OPCML: variants seen among roughly 807,000 people sequenced by gnomAD.
OPCML encodes the protein opioid binding protein/cell adhesion molecule like.
In OPCML, 13 loss-of-function variants were observed where a neutral mutation model predicts 37.8. The ratio of observed to expected loss-of-function variants is 0.34; its 90% confidence interval spans 0.22 to 0.55. The LOEUF is 0.55. OPCML is among the 20% of genes least tolerant of loss of function. The probability of loss-of-function intolerance (pLI) is 0.91; values close to 1 mark genes in which losing one functional copy is unlikely to be tolerated. For missense variants in OPCML, 341 were observed against 435.6 expected (o/e 0.78, Z 1.93); for synonymous variants, 176 against 168.8 (o/e 1.04, Z -0.33).
intron 3 of OPCML, among the ~76,000 whole-genome samples, chr11:132,598,577 A>C (rs1023266237): frequency 6.6e-6 from 1 of 152,074 alleles, no homozygotes; most frequent in Non-Finnish European, 1.5e-5. Flanking sequence ...TTTCATCAAC[A>C]CTGTGTAATA....
chr11:132,839,495 G>C (rs1026949269), intron 2 of OPCML, among the ~76,000 whole-genome samples: 9 of 152,324 alleles, frequency 5.9e-5, no homozygotes, highest in African/African-American at 1.9e-4. Flanking sequence ...AGGTTTGCTA[G>C]AGCTTTATAA....
At chr11:132,833,276 T>C (rs1339260091) in intron 2 of OPCML, among the ~76,000 whole-genome samples, 1 of 152,216 alleles carries the variant, frequency 6.6e-6, no homozygotes, top group Non-Finnish European at 1.5e-5. Flanking sequence ...TGTTTTCACT[T>C]TTTAGTCTGT....
At chr11:133,008,324 A>G (rs1947151864) in intron 1 of OPCML, 1 of 985,272 alleles carries the variant, frequency 1.0e-6, no homozygotes, top group African/African-American at 1.7e-5. Flanking sequence ...AACAACTAAA[A>G]TGAAAATGGG....
chr11:133,030,415 T>C (rs1309601572), intron 1 of OPCML, among the ~76,000 whole-genome samples: 2 of 152,212 alleles, frequency 1.3e-5, no homozygotes, highest in Non-Finnish European at 2.9e-5. Flanking sequence ...GCTCATGCTC[T>C]GTCCCTGCCA....
intron 1 of OPCML, among the ~76,000 whole-genome samples, chr11:133,209,659 C>T (rs1171572576): frequency 2.6e-5 from 4 of 151,774 alleles, no homozygotes; most frequent in Non-Finnish European, 4.4e-5. Context: ...CGGCTCCTAA[C>T]ACAGTGCACA....
intron 4 of OPCML, among the ~76,000 whole-genome samples, chr11:132,481,597 C>T (rs1424904749): frequency 6.6e-6 from 1 of 151,322 alleles, no homozygotes; most frequent in Non-Finnish European, 1.5e-5. Flanking sequence ...ACTCTCCACC[C>T]CAAATCAACA....
intron 1 of OPCML, among the ~76,000 whole-genome samples, chr11:132,982,877 G>A (rs761067463): frequency 2.0e-5 from 3 of 152,204 alleles, no homozygotes; most frequent in Non-Finnish European, 2.9e-5. Flanking sequence ...AGCCCCCAGC[G>A]TGGGATGCAT....
intron 3 of OPCML, among the ~76,000 whole-genome samples, chr11:132,537,217 A>T (rs2096343175): frequency 6.6e-6 from 1 of 152,232 alleles, no homozygotes; most frequent in South Asian, 2.1e-4. Context: ...ATGCACAATT[A>T]AAAATCAGCA....
rs540196592 is a variant in OPCML, at chr11:132,469,797, GGT to G, written c.506-32440_506-32439del. ...GTGTGGAGGGGTGTGTGTGTGGAGG[GGT>G]GTGTGTGTGTTTGTGTGGTGTGTGT... On this transcript the variant is annotated intron_variant, in intron 4 of 7. Transcript: ENST00000524381. Among the ~76,000 whole-genome samples, 268 of 87,702 alleles carry G rather than the reference GGT, an allele frequency of 3.1e-3. 1 individual carries two copies. Among genetic ancestry groups the G allele is most frequent in the Non-Finnish European group, 5.5e-3 (222 of 40,032 alleles). The allele number at this position is 87,702 out of a possible 152,430, so 57.5% of individuals were successfully genotyped here. A position where few individuals can be genotyped will look rare whatever the true frequency, so the allele number is the denominator to read the frequency against.
intron 1 of OPCML, among the ~76,000 whole-genome samples, chr11:132,996,980 C>T (rs1946900096): frequency 6.6e-6 from 1 of 152,228 alleles, no homozygotes; most frequent in East Asian, 1.9e-4. Flanking sequence ...GCCGAGGCAG[C>T]TCCCCTTATC....
intron 4 of OPCML, among the ~76,000 whole-genome samples, chr11:132,479,191 G>A (rs1460977236): frequency 6.6e-6 from 1 of 152,130 alleles, no homozygotes; most frequent in African/African-American, 2.4e-5. Flanking sequence ...CCAAAAAAGG[G>A]CGAGGCATTG....
At chr11:132,977,722 T>C (rs1026682870) in intron 1 of OPCML, among the ~76,000 whole-genome samples, 9 of 152,246 alleles carry the variant, frequency 5.9e-5, no homozygotes, top group Admixed American at 2.0e-4. Context: ...CCACCTGATC[T>C]ACAAACTTGC....
chr11:132,616,829 C>A (rs1591629757), intron 3 of OPCML, among the ~76,000 whole-genome samples: 1 of 152,246 alleles, frequency 6.6e-6, no homozygotes, highest in African/African-American at 2.4e-5. Context: ...TTTCCACACC[C>A]CTCAGACTAT....
chr11:132,526,368 G>A (rs922429558), intron 4 of OPCML, among the ~76,000 whole-genome samples: 1 of 152,030 alleles, frequency 6.6e-6, no homozygotes, highest in African/African-American at 2.4e-5. Flanking sequence ...AAATTATCAT[G>A]GAACCCATGT....
Position 133,191,074 on chromosome 11 carries a change from A to G in OPCML, c.62-248064T>C, listed in dbSNP as rs80316692. ...TGAGGAACTGACAGACTTTTTTTGA[A>G]AACGGCTGTACCATTTTTTCATTTT... On this transcript the variant is annotated intron_variant, in intron 1 of 7. Transcript: ENST00000524381. Among the ~76,000 whole-genome samples the G allele has an allele frequency of 6.1e-3, 929 of 152,164 alleles. 4 individuals carry two copies. The highest frequency in any genetic ancestry group is 0.021 in the African/African-American group (876 of 41,514).
intron 1 of OPCML, among the ~76,000 whole-genome samples, chr11:133,249,401 A>G (rs1186048346): frequency 1.3e-5 from 2 of 152,208 alleles, no homozygotes; most frequent in African/African-American, 4.8e-5. Flanking sequence ...ATGCAAAGCC[A>G]TTTATGAGAT....
intron 1 of OPCML, among the ~76,000 whole-genome samples, chr11:133,252,991 C>A (rs1941188593): frequency 6.6e-6 from 1 of 151,898 alleles, no homozygotes; most frequent in African/African-American, 2.4e-5. Flanking sequence ...ACTAAAAATA[C>A]AAAAATTAGC....
At chr11:132,485,892 C>G (rs1350607476) in intron 4 of OPCML, among the ~76,000 whole-genome samples, 1 of 152,158 alleles carries the variant, frequency 6.6e-6, no homozygotes, top group African/African-American at 2.4e-5. Flanking sequence ...ACTCATTTCT[C>G]TTAAATAAAT....
At chr11:132,534,689 G>T (rs2096335597) in intron 3 of OPCML, among the ~76,000 whole-genome samples, 1 of 152,136 alleles carries the variant, frequency 6.6e-6, no homozygotes, top group African/African-American at 2.4e-5. Flanking sequence ...CTTGGCATTG[G>T]ACAACTTTTA....
Sources: gnomAD v4.1 joint callset for allele counts (sites outside exome capture counted in the v4.1 genomes callset) on GRCh38, gnomAD v4.1.1 for gene constraint, MANE v1.5 for transcripts, NCBI Gene and HGNC (gene_info 2026-07-23, HGNC 2026-07-21) for gene names.